HECW1: variants seen among roughly 807,000 people sequenced by gnomAD.
HECW1 encodes the protein HECT, C2 and WW domain containing E3 ubiquitin protein ligase 1.
In HECW1, 61 loss-of-function variants were observed where a neutral mutation model predicts 182.3. That is an observed-to-expected ratio of 0.33 (90% CI 0.27 to 0.41). The LOEUF (loss-of-function observed/expected upper bound fraction) is 0.41. Among genes scored for constraint, HECW1 ranks in the 10% least tolerant of loss-of-function variants. HECW1 has a pLI of 1.00. For missense variants in HECW1, 1,739 were observed against 2,108.9 expected (o/e 0.82, Z 3.44); for synonymous variants, 859 against 832.6 (o/e 1.03, Z -0.55).
At chr7:43,260,353 A>C (rs1301357684) in intron 3 of HECW1, among the ~76,000 whole-genome samples, 1 of 152,168 alleles carries the variant, frequency 6.6e-6, no homozygotes, top group African/African-American at 2.4e-5. Flanking sequence ...CAAAGCCCCC[A>C]TTGCAAAAGA....
chr7:43,123,273 C>T lies in HECW1; in HGVS notation c.-32+8882C>T, dbSNP rs370683166. 6.6e-5 allele frequency among the ~76,000 whole-genome samples: 10 copies of T among 152,306 alleles called. No homozygotes were observed. The East Asian group carries it at 1.7e-3, about 26-fold the overall frequency. ...GCTTCCGGAGGAGCTACTCACAGTT[C>T]GGTCATTAAACAGAACATTGCCCTT... On this transcript the variant is annotated intron_variant, in intron 2 of 29. Coordinates refer to ENST00000395891, the MANE Select transcript of HECW1 (RefSeq NM_015052.5).
chr7:43,395,841 A>G (rs1009318228), intron 6 of HECW1, among the ~76,000 whole-genome samples: 2 of 152,220 alleles, frequency 1.3e-5, no homozygotes, highest in East Asian at 3.8e-4. Flanking sequence ...AGGCAGGTTG[A>G]TGTGAATATC....
chr7:43,214,751 G>C (rs1796296334), intron 2 of HECW1, among the ~76,000 whole-genome samples: 1 of 152,214 alleles, frequency 6.6e-6, no homozygotes, highest in African/African-American at 2.4e-5. Flanking sequence ...GATGCAGGTG[G>C]GCACGGGCAC....
intron 8 of HECW1, among the ~76,000 whole-genome samples, chr7:43,425,917 A>G (rs1201530162): frequency 6.6e-6 from 1 of 152,214 alleles, no homozygotes; most frequent in East Asian, 1.9e-4. Context: ...AGAAGAGGAC[A>G]TATATTATTT....
chr7:43,175,979 A>C (rs968263666), intron 2 of HECW1, among the ~76,000 whole-genome samples: 1 of 152,142 alleles, frequency 6.6e-6, no homozygotes, highest in African/African-American at 2.4e-5. Flanking sequence ...GCCAGCTCAG[A>C]TTTGGATAAC....
chr7:43,319,379 G>C (rs369281932), intron 4 of HECW1, among the ~76,000 whole-genome samples: 2 of 83,940 alleles, frequency 2.4e-5, no homozygotes, highest in East Asian at 3.5e-4. Context: ...GGGCGACAGA[G>C]CGAGACTCCG....
At chr7:43,295,482 T>A (rs1241006045) in intron 3 of HECW1, among the ~76,000 whole-genome samples, 1 of 152,198 alleles carries the variant, frequency 6.6e-6, no homozygotes, top group Non-Finnish European at 1.5e-5. Flanking sequence ...TCCACTGTCA[T>A]GCCATCCTTG....
intron 24 of HECW1, among the ~76,000 whole-genome samples, chr7:43,538,359 C>T (rs1255934220): frequency 6.6e-6 from 1 of 152,182 alleles, no homozygotes; most frequent in Non-Finnish European, 1.5e-5. Context: ...CCTTAGAGGG[C>T]TTAAGCTGGT....
rs545857735 is a variant in HECW1 at position 43,432,123 on chromosome 7, C to T, written c.802-5880C>T. On this transcript the variant is annotated intron_variant, in intron 8 of 29. Coordinates refer to ENST00000395891, the MANE Select transcript of HECW1 (RefSeq NM_015052.5). The surrounding 1 kb of genome is among the most constrained non-coding windows in gnomAD (Gnocchi z 4.1). ...GATTACAGGCATGAGCCACTGCACC[C>T]GGCCAGTTGTTTATTTTATTTCTTT... is the stretch of plus-strand genomic sequence containing the variant. Among the ~76,000 whole-genome samples the T allele has an allele frequency of 4.7e-5, 7 of 150,480 alleles. No individual in the cohort carries two copies. Among genetic ancestry groups the T allele is most frequent in the African/African-American group, 9.9e-5 (4 of 40,588 alleles).
chr7:43,132,447 CA>C (rs1787055139), intron 2 of HECW1, among the ~76,000 whole-genome samples: 1 of 152,160 alleles, frequency 6.6e-6, no homozygotes, highest in South Asian at 2.1e-4. Context: ...TTGGGGGTTG[CA>C]AAATGGTAAC....
intron 3 of HECW1, among the ~76,000 whole-genome samples, chr7:43,255,595 C>CT (rs1800478846): frequency 8.4e-6 from 1 of 119,072 alleles, no homozygotes; most frequent in African/African-American, 4.2e-5. Flanking sequence ...GAAACTCTGT[C>CT]TAAAAAAAAA....
intron 8 of HECW1, among the ~76,000 whole-genome samples, chr7:43,411,044 T>C (rs1265581567): frequency 9.1e-6 from 1 of 110,214 alleles, no homozygotes; most frequent in Non-Finnish European, 2.0e-5. Flanking sequence ...TATTGCCTTC[T>C]ATTTTTTTTT....
intron 2 of HECW1, among the ~76,000 whole-genome samples, chr7:43,201,777 T>C (rs1211890998): frequency 1.3e-5 from 2 of 152,208 alleles, no homozygotes; most frequent in African/African-American, 4.8e-5. Flanking sequence ...ATACCTATGC[T>C]GAATTCTTAC....
At chr7:43,260,451 A>G (rs1175921960) in intron 3 of HECW1, among the ~76,000 whole-genome samples, 1 of 152,266 alleles carries the variant, frequency 6.6e-6, no homozygotes, top group Non-Finnish European at 1.5e-5. Context: ...TAGCCATTAT[A>G]GGACACAATA....
chr7:43,124,769 T>A (rs956360551), intron 2 of HECW1, among the ~76,000 whole-genome samples: 2 of 152,216 alleles, frequency 1.3e-5, no homozygotes, highest in African/African-American at 2.4e-5. Flanking sequence ...TGCTAGTTCT[T>A]CACATTTTTC....
chr7:43,479,386 G>A (rs989383572), intron 16 of HECW1, among the ~76,000 whole-genome samples: 3 of 152,100 alleles, frequency 2.0e-5, no homozygotes, highest in Non-Finnish European at 2.9e-5. Context: ...GAGCTCAAGT[G>A]GTAATGCTCA....
intron 2 of HECW1, among the ~76,000 whole-genome samples, chr7:43,175,249 T>C (rs1271258795): frequency 6.6e-6 from 1 of 152,152 alleles, no homozygotes; most frequent in Non-Finnish European, 1.5e-5. Context: ...CCTCGCACAC[T>C]TACCATTTTC....
chr7:43,172,985 C>G (rs1414697505), intron 2 of HECW1, among the ~76,000 whole-genome samples: 4 of 152,222 alleles, frequency 2.6e-5, no homozygotes, highest in Admixed American at 6.5e-5. Context: ...GATTCCTAAT[C>G]CTGAGTCTCT....
At chr7:43,349,863 A>G (rs1814185287) in intron 5 of HECW1, among the ~76,000 whole-genome samples, 1 of 152,202 alleles carries the variant, frequency 6.6e-6, no homozygotes, top group Non-Finnish European at 1.5e-5. Context: ...AAGTATCGAA[A>G]TATGAGGTAC....
Sources: allele counts gnomAD v4.1 joint callset (sites outside exome capture counted in the v4.1 genomes callset), GRCh38; gene constraint gnomAD v4.1.1; non-coding constraint Gnocchi (gnomAD v3.1); transcripts MANE v1.5; gene names NCBI Gene and HGNC (gene_info 2026-07-23, HGNC 2026-07-21).